ROBO1: variants seen among roughly 807,000 people sequenced by gnomAD.
The protein encoded by ROBO1 is roundabout homolog 1.
In ROBO1, 149 loss-of-function variants were observed where a neutral mutation model predicts 195.9. The ratio of observed to expected loss-of-function variants is 0.76; its 90% confidence interval spans 0.67 to 0.87. The LOEUF (loss-of-function observed/expected upper bound fraction) is 0.87. ROBO1 is among the 40% of genes least tolerant of loss of function. The pLI, the probability that ROBO1 is intolerant of heterozygous loss-of-function variation, is 0.00. For missense variants in ROBO1, 1,933 were observed against 2,068.3 expected (o/e 0.93, Z 1.27); for synonymous variants, 816 against 733.2 (o/e 1.11, Z -1.82).
intron 2 of ROBO1, among the ~76,000 whole-genome samples, chr3:79,458,475 G>A (rs1346901231): frequency 6.6e-6 from 1 of 152,144 alleles, no homozygotes; most frequent in Non-Finnish European, 1.5e-5. Context: ...TGCTGGTAAA[G>A]GATGCATGAG....
chr3:79,186,749 C>T (rs1035973597), intron 2 of ROBO1, among the ~76,000 whole-genome samples: 1 of 152,094 alleles, frequency 6.6e-6, no homozygotes, highest in Non-Finnish European at 1.5e-5. Flanking sequence ...GTCATAGACA[C>T]ATTTTGAGAT....
chr3:79,035,730 A>G (rs2078370411), intron 3 of ROBO1, among the ~76,000 whole-genome samples: 1 of 131,942 alleles, frequency 7.6e-6, no homozygotes, highest in Non-Finnish European at 1.6e-5. Flanking sequence ...GACTTTATCT[A>G]AAAAAAAAAA....
chr3:78,944,721 T>C (rs1157754717), intron 3 of ROBO1, among the ~76,000 whole-genome samples: 2 of 152,210 alleles, frequency 1.3e-5, no homozygotes, highest in Non-Finnish European at 2.9e-5. Context: ...AGGCATTGCC[T>C]AACCCAGGAA....
At chr3:79,712,954 TC>T (rs1702333085) in intron 1 of ROBO1, among the ~76,000 whole-genome samples, 2 of 152,052 alleles carry the variant, frequency 1.3e-5, no homozygotes. Flanking sequence ...TACTTTCAGT[TC>T]TAGGGTACAT....
At chr3:78,826,821 A>G (rs2031655182) in intron 4 of ROBO1, among the ~76,000 whole-genome samples, 1 of 152,120 alleles carries the variant, frequency 6.6e-6, no homozygotes, top group South Asian at 2.1e-4. Flanking sequence ...GACACCCTCC[A>G]GTTGTTTTTG....
At chr3:79,636,240 G>A (rs1233445188) in intron 1 of ROBO1, among the ~76,000 whole-genome samples, 3 of 152,022 alleles carry the variant, frequency 2.0e-5, no homozygotes, top group Non-Finnish European at 4.4e-5. Flanking sequence ...GCTGTCTGGG[G>A]CTGTCAAATT....
chr3:79,323,914 T>G (rs1299962879), intron 2 of ROBO1, among the ~76,000 whole-genome samples: 1 of 152,206 alleles, frequency 6.6e-6, no homozygotes, highest in East Asian at 1.9e-4. Flanking sequence ...ATTGCTTTAG[T>G]AAATCCTAAG....
chr3:79,748,279 T>A (rs1703960445), intron 1 of ROBO1, among the ~76,000 whole-genome samples: 1 of 152,206 alleles, frequency 6.6e-6, no homozygotes, highest in South Asian at 2.1e-4. Context: ...ATTCAGAGGT[T>A]ATAAAGTAAT....
intron 10 of ROBO1, among the ~76,000 whole-genome samples, chr3:78,673,567 TATATATATATA>T (rs1708207031): frequency 1.8e-4 from 5 of 27,070 alleles, no homozygotes; most frequent in African/African-American, 9.3e-4. Flanking sequence ...ATATTTTATA[TATATATATATA>T]TATATATATA....
chr3:79,096,054 C>T (rs2079560265), intron 3 of ROBO1, among the ~76,000 whole-genome samples: 1 of 151,984 alleles, frequency 6.6e-6, no homozygotes, highest in Non-Finnish European at 1.5e-5. Context: ...TATATTTACA[C>T]ACTTGGATAA....
Position 79,005,709 on chromosome 3 carries a change from C to T in ROBO1, c.173-66782G>A, listed in dbSNP as rs144833267. ...TAGATATGCTCTTGAAAACTGTGCA[C>T]AAATCAATATTTTATAAGTCAAATA... is the stretch of plus-strand genomic sequence containing the variant. On this transcript the variant is annotated intron_variant, in intron 3 of 30. Transcript: ENST00000464233. Among the ~76,000 whole-genome samples, 187 of 152,210 alleles carry T rather than the reference C, an allele frequency of 1.2e-3. 1 individual carries two copies. In the East Asian group the frequency reaches 0.026, roughly 21 times the overall value.
intron 1 of ROBO1, among the ~76,000 whole-genome samples, chr3:79,620,434 C>T (rs1046571489): frequency 2.6e-5 from 4 of 152,148 alleles, no homozygotes; most frequent in Admixed American, 6.5e-5. Flanking sequence ...GGGCCCCTTT[C>T]CCTTGCCTCC....
At chr3:79,394,095 T>C (rs2037050913) in intron 2 of ROBO1, among the ~76,000 whole-genome samples, 1 of 152,046 alleles carries the variant, frequency 6.6e-6, no homozygotes, top group Admixed American at 6.5e-5. Flanking sequence ...GAGAAATCAG[T>C]TGGCAATAAG....
chr3:79,472,072 C>A (rs1387205047), intron 2 of ROBO1, among the ~76,000 whole-genome samples: 1 of 151,926 alleles, frequency 6.6e-6, no homozygotes, highest in Non-Finnish European at 1.5e-5. Flanking sequence ...TACCCCAGAA[C>A]TTAAAGTATA....
Position 79,735,509 on chromosome 3 carries a change from T to G in ROBO1, c.-51+32243A>C, listed in dbSNP as rs188832961. Reference sequence around the variant, plus strand: ...ATCCACCTCCTGTATAGTACTTTTCTTGGCTTTAAAATGAATAGATGTCTT... The same window carrying G: ...ATCCACCTCCTGTATAGTACTTTTCGTGGCTTTAAAATGAATAGATGTCTT... On this transcript the variant is annotated intron_variant, in intron 1 of 30. Coordinates refer to ENST00000464233, the MANE Select transcript of ROBO1 (RefSeq NM_002941.4). Among the ~76,000 whole-genome samples, 7 of 152,348 alleles carry G rather than the reference T, an allele frequency of 4.6e-5. No individual in the cohort carries two copies. The East Asian group carries it at 1.3e-3, about 29-fold the overall frequency.
At chr3:79,545,192 G>A (rs1361794248) in intron 2 of ROBO1, among the ~76,000 whole-genome samples, 2 of 152,076 alleles carry the variant, frequency 1.3e-5, no homozygotes, top group African/African-American at 4.8e-5. Flanking sequence ...TGGACACATC[G>A]TGAATTCACT....
chr3:79,237,501 A>G (rs1001918120), intron 2 of ROBO1, among the ~76,000 whole-genome samples: 4 of 152,012 alleles, frequency 2.6e-5, no homozygotes, highest in Non-Finnish European at 4.4e-5. Context: ...AAATAATAAT[A>G]AAAAAGATAA....
At chr3:78,886,439 C>CA (rs2036576116) in intron 4 of ROBO1, among the ~76,000 whole-genome samples, 1 of 151,936 alleles carries the variant, frequency 6.6e-6, no homozygotes, top group Admixed American at 6.6e-5. Context: ...ACTAAAAATA[C>CA]AAAAACTACC....
chr3:79,110,830 G>A (rs1485417999), intron 3 of ROBO1, among the ~76,000 whole-genome samples: 1 of 151,752 alleles, frequency 6.6e-6, no homozygotes, highest in East Asian at 2.0e-4. Context: ...TGTTGCCCAA[G>A]CTGTGCTTAA....
Sources: gnomAD v4.1 joint callset for allele counts (sites outside exome capture counted in the v4.1 genomes callset) on GRCh38, gnomAD v4.1.1 for gene constraint, MANE v1.5 for transcripts, NCBI Gene and HGNC (gene_info 2026-07-23, HGNC 2026-07-21) for gene names.